RELN: variants seen among roughly 807,000 people sequenced by gnomAD.
RELN encodes the protein reelin.
RELN carries 108 observed loss-of-function variants against 427.6 expected under a neutral mutation model. That is an observed-to-expected ratio of 0.25 (90% CI 0.22 to 0.30). The LOEUF (loss-of-function observed/expected upper bound fraction) is 0.30. Among genes scored for constraint, RELN ranks in the 10% least tolerant of loss-of-function variants. The pLI is 1.00. For synonymous variants in RELN, 1,524 were observed against 1,513.4 expected (o/e 1.01, Z -0.16); for missense variants, 3,715 against 4,302.8 (o/e 0.86, Z 3.82).
Position 103,563,655 on chromosome 7 carries a change from C to T in RELN, c.5210+1623G>A, listed in dbSNP as rs1270054022. Among the ~76,000 whole-genome samples the T allele has an allele frequency of 2.6e-5, 4 of 152,086 alleles. No individual in the cohort carries two copies. The highest frequency in any genetic ancestry group is 4.4e-5 in the Non-Finnish European group (3 of 68,022). ...ATCTATAGTAGTGTACAGTAATATTCTAGGCCTTCACATTCACTCACCACT... is the reference window on the plus strand; with the variant it reads ...ATCTATAGTAGTGTACAGTAATATTTTAGGCCTTCACATTCACTCACCACT... On this transcript the variant is annotated intron_variant, in intron 34 of 64. Coordinates refer to ENST00000428762, the MANE Select transcript of RELN (RefSeq NM_005045.4). This position sits in a 1 kb window ranked among gnomAD's most constrained non-coding sequence, Gnocchi z 4.1.
chr7:103,928,603 T>C (rs1795795220), intron 1 of RELN, among the ~76,000 whole-genome samples: 1 of 152,196 alleles, frequency 6.6e-6, no homozygotes, highest in African/African-American at 2.4e-5. Context: ...TTGAATTGAA[T>C]TGAGGCTACA....
chr7:103,628,612 A>C (rs1832382074), intron 20 of RELN, among the ~76,000 whole-genome samples: 1 of 152,184 alleles, frequency 6.6e-6, no homozygotes, highest in Non-Finnish European at 1.5e-5. Context: ...TTTTCTGTAC[A>C]ATAGTGTGTA....
chr7:103,776,763 G>T, intron 3 of RELN, 136 bp from the exon 4 acceptor site: 1 of 881,428 alleles, frequency 1.1e-6, no homozygotes, highest in Non-Finnish European at 1.8e-6. Context: ...CATCAGAAGA[G>T]TGATATAAAT....
chr7:103,742,971 A>G (rs1321210850), intron 6 of RELN, among the ~76,000 whole-genome samples: 4 of 151,560 alleles, frequency 2.6e-5, no homozygotes, highest in African/African-American at 9.8e-5. Context: ...CAGATTCACC[A>G]AAGTTGAAAT....
intron 46 of RELN, among the ~76,000 whole-genome samples, chr7:103,528,776 G>A (rs1382073376): frequency 6.6e-6 from 1 of 151,408 alleles, no homozygotes; most frequent in Admixed American, 6.6e-5. Context: ...TGATTCGCCT[G>A]CCTCGACCTC....
At chr7:103,576,222 GAGACTCCGTC>G (rs1363984039) in intron 28 of RELN, among the ~76,000 whole-genome samples, 3 of 152,056 alleles carry the variant, frequency 2.0e-5, no homozygotes, top group Non-Finnish European at 4.4e-5. Context: ...GTGACAGGGC[GAGACTCCGTC>G]TCAAAAAAAA....
At chr7:103,857,071 C>T (rs1210016078) in intron 2 of RELN, among the ~76,000 whole-genome samples, 1 of 152,114 alleles carries the variant, frequency 6.6e-6, no homozygotes, top group Non-Finnish European at 1.5e-5. Context: ...TAGTTGGTTA[C>T]TTGCCAACTC....
intron 2 of RELN, among the ~76,000 whole-genome samples, chr7:103,887,741 C>CGA (rs1794756374): frequency 6.6e-6 from 1 of 151,664 alleles, no homozygotes; most frequent in Non-Finnish European, 1.5e-5. Flanking sequence ...CCCTGTCTTT[C>CGA]CCCTAATTAA....
intron 2 of RELN, among the ~76,000 whole-genome samples, chr7:103,861,029 A>T (rs985897847): frequency 2.2e-4 from 34 of 152,214 alleles, no homozygotes; most frequent in Non-Finnish European, 1.0e-4. Flanking sequence ...CACAAGACAG[A>T]AGATAATTGC....
chr7:103,767,941 G>C (rs1388627322), intron 4 of RELN, among the ~76,000 whole-genome samples: 1 of 151,918 alleles, frequency 6.6e-6, no homozygotes, highest in East Asian at 1.9e-4. Context: ...TATTTTAGTG[G>C]TCTATTTCCC....
intron 59 of RELN, among the ~76,000 whole-genome samples, chr7:103,490,149 A>G (rs1015183582): frequency 2.0e-5 from 3 of 152,178 alleles, no homozygotes; most frequent in Admixed American, 2.0e-4. Flanking sequence ...CTAGTCCATA[A>G]TAAATCTGTG....
At chr7:103,936,188 G>A (rs1795980238) in intron 1 of RELN, among the ~76,000 whole-genome samples, 1 of 151,192 alleles carries the variant, frequency 6.6e-6, no homozygotes, top group South Asian at 2.1e-4. Flanking sequence ...CACCTCCCAG[G>A]TGCAAGAAAT....
chr7:103,516,748 C>A (rs1829575426), intron 49 of RELN, among the ~76,000 whole-genome samples: 1 of 152,062 alleles, frequency 6.6e-6, no homozygotes, highest in Non-Finnish European at 1.5e-5. Context: ...AGTTTTAGTT[C>A]TTGTCTTTCA....
rs151298281 is a variant in RELN at position 103,782,245 on chromosome 7, A to C, written c.474-5618T>G. On this transcript the variant is annotated intron_variant, in intron 3 of 64. Transcript: ENST00000428762. Reference sequence around the variant, plus strand: ...TTAAAAAAAGCCTGTGATATTTTCAACCTAACTAAACAACAGAGTAGCTGT... The same window carrying C: ...TTAAAAAAAGCCTGTGATATTTTCACCCTAACTAAACAACAGAGTAGCTGT... Among the ~76,000 whole-genome samples the C allele has an allele frequency of 1.9e-4, 29 of 152,306 alleles. 1 individual carries two copies. The East Asian group carries it at 5.6e-3, about 29-fold the overall frequency.
intron 29 of RELN, 59 bp downstream of exon 29, chr7:103,575,489 C>G (rs911316278): frequency 4.6e-6 from 7 of 1,510,760 alleles, no homozygotes; most frequent in Non-Finnish European, 6.4e-6. Context: ...ACATGAAACA[C>G]AGCAACTAGA....
chr7:103,612,513 G>T (rs961797126), intron 20 of RELN, among the ~76,000 whole-genome samples: 2 of 152,018 alleles, frequency 1.3e-5, no homozygotes, highest in Non-Finnish European at 2.9e-5. Flanking sequence ...GACCTCAGGT[G>T]ATCTGCCCAT....
At chr7:103,535,755 T>G (rs925682214) in intron 45 of RELN, among the ~76,000 whole-genome samples, 1 of 152,142 alleles carries the variant, frequency 6.6e-6, no homozygotes, top group Non-Finnish European at 1.5e-5. Context: ...TCACATCTTA[T>G]AATGAGAAGC....
At chr7:103,815,955 A>G (rs548932997) in intron 3 of RELN, among the ~76,000 whole-genome samples, 119 of 152,340 alleles carry the variant, frequency 7.8e-4, no homozygotes, top group African/African-American at 2.8e-3. Flanking sequence ...ATCATGTACA[A>G]TATCTAGCAA....
At position 103,923,251 on chromosome 7, in the gene RELN, C is replaced by T. The variant is rs577202238; in HGVS notation, c.227-6066G>A. Among the ~76,000 whole-genome samples, 4 of 152,296 alleles carry T rather than the reference C, an allele frequency of 2.6e-5. 1 individual carries two copies. The highest frequency in any genetic ancestry group is 9.6e-5 in the African/African-American group (4 of 41,568). ...TTCATCAACACTGTATGTTCAACTA[C>T]TGATTCTTCCTTAAAGTGCCACTAG... On this transcript the variant is annotated intron_variant, in intron 1 of 64. Coordinates refer to ENST00000428762, the MANE Select transcript of RELN (RefSeq NM_005045.4).
Sources: gnomAD v4.1 joint callset for allele counts (sites outside exome capture counted in the v4.1 genomes callset) on GRCh38, gnomAD v4.1.1 for gene constraint, Gnocchi (gnomAD v3.1) non-coding constraint, MANE v1.5 for transcripts, NCBI Gene and HGNC (gene_info 2026-07-23, HGNC 2026-07-21) for gene names.